Variants in CC2D2A observed in about 807,000 individuals in gnomAD.
The protein encoded by CC2D2A is coiled-coil and C2 domain containing 2A, also known as coiled-coil and C2 domain-containing protein 2A.
In CC2D2A, 155 loss-of-function variants were observed where a neutral mutation model predicts 212.9. The ratio of observed to expected loss-of-function variants is 0.73; its 90% CI spans 0.64 to 0.83. The LOEUF is 0.83. Ranked by LOEUF, CC2D2A falls within the 40% of genes least tolerant of loss-of-function variation. The probability of loss-of-function intolerance (pLI) is 0.00; values close to 1 mark genes in which losing one functional copy is unlikely to be tolerated. For missense variants in CC2D2A, 1,856 were observed against 1,956.2 expected, an observed-to-expected ratio of 0.95 and a Z score of 0.97; for synonymous variants, 667 against 686.5, an observed-to-expected ratio of 0.97 and a Z score of 0.44.
At chr4:15,599,974 AATC>A (rs763454323) in intron 36 of CC2D2A, among the ~76,000 whole-genome samples, 1 of 152,204 alleles carries the variant, frequency 6.6e-6, no homozygotes, top group Non-Finnish European at 1.5e-5. Context: ...CATCTGGCTA[AATC>A]ATGTTAGACA....
chr4:15,552,646 A>C (rs1475529738), intron 18 of CC2D2A, among the ~76,000 whole-genome samples: 4 of 152,284 alleles, frequency 2.6e-5, no homozygotes, highest in East Asian at 1.9e-4. Context: ...CCCTGACTCA[A>C]ATATACACCC....
At chr4:15,567,247 G>A (rs566643937) in intron 24 of CC2D2A, 130 bp from the exon 25 acceptor site, 11 of 678,770 alleles carry the variant, frequency 1.6e-5, no homozygotes, top group South Asian at 7.9e-5. Context: ...TGCACCAGCC[G>A]AGATCATGCC....
At position 15,511,327 on chromosome 4, in the gene CC2D2A, G is replaced by C; in HGVS notation, c.621G>C (p.Glu207Asp). The C allele has an allele frequency of 6.3e-7, 1 of 1,596,844 alleles. No homozygotes were observed. Among genetic ancestry groups the C allele is most frequent in the Non-Finnish European group, 8.5e-7 (1 of 1,173,700 alleles). Residue 207 changes from glutamate (E) to aspartate (D), a missense_variant, in exon 8 of 37, where the codon GAG becomes GAC. By Grantham distance (45) the Glu-to-Asp change is conservative. Around this residue, in one of 5 missense-constraint regions of CC2D2A, gnomAD observed 1,512 missense variants for 1,579.3 expected, o/e 0.96. Coordinates refer to ENST00000424120, the MANE Select transcript of CC2D2A (RefSeq NM_001378615.1). Reference sequence around the variant, plus strand: ...TTGATCCCGAACCAGAAGGATCAGAGGAAAAACCAAAAGCAAGACATAGAG... The same window carrying C: ...TTGATCCCGAACCAGAAGGATCAGACGAAAAACCAAAAGCAAGACATAGAG... Reference protein sequence around the residue: ...FNFDPEPEGSEEKPKARHRAG... With the variant: ...FNFDPEPEGSDEKPKARHRAG...
intron 4 of CC2D2A, among the ~76,000 whole-genome samples, chr4:15,496,597 T>G (rs969198457): frequency 1.2e-4 from 18 of 152,154 alleles, no homozygotes; most frequent in African/African-American, 4.3e-4. Context: ...GATATGATTC[T>G]ATACCTAGAA....
At chr4:15,558,171 T>C (rs1382026683) in intron 21 of CC2D2A, among the ~76,000 whole-genome samples, 1 of 152,132 alleles carries the variant, frequency 6.6e-6, no homozygotes, top group Non-Finnish European at 1.5e-5. Flanking sequence ...TTTTCCCTGC[T>C]TTTCATGAGC....
intron 4 of CC2D2A, among the ~76,000 whole-genome samples, chr4:15,498,538 G>A (rs1209450042): frequency 6.6e-6 from 1 of 152,168 alleles, no homozygotes; most frequent in East Asian, 1.9e-4. Flanking sequence ...GCTTGAAAGG[G>A]AGAGCCAGTT....
chr4:15,471,507 CA>C (rs996271652), intron 1 of CC2D2A, among the ~76,000 whole-genome samples: 1 of 151,952 alleles, frequency 6.6e-6, no homozygotes, highest in African/African-American at 2.4e-5. Flanking sequence ...TTCTTAGTAA[CA>C]AAACCTACCA....
At chr4:15,478,084 C>A (rs1458347908) in intron 2 of CC2D2A, among the ~76,000 whole-genome samples, 2 of 152,134 alleles carry the variant, frequency 1.3e-5, no homozygotes, top group Non-Finnish European at 2.9e-5. Flanking sequence ...CATTTTAGAG[C>A]TCGTAGACTT....
At chr4:15,566,782 A>G (rs1350717737) in intron 24 of CC2D2A, among the ~76,000 whole-genome samples, 1 of 152,060 alleles carries the variant, frequency 6.6e-6, no homozygotes, top group Non-Finnish European at 1.5e-5. Context: ...GACCACCCTG[A>G]GCAACATCCT....
intron 11 of CC2D2A, among the ~76,000 whole-genome samples, chr4:15,523,790 G>A (rs1055534287): frequency 6.6e-6 from 1 of 152,166 alleles, no homozygotes; most frequent in Admixed American, 6.5e-5. Flanking sequence ...TTGCAGGCAT[G>A]ACAGAATTCT....
At chr4:15,508,777 G>A (rs754423168) in intron 6 of CC2D2A, among the ~76,000 whole-genome samples, 3 of 152,230 alleles carry the variant, frequency 2.0e-5, no homozygotes, top group African/African-American at 2.4e-5. Flanking sequence ...CTACATGACT[G>A]TTGTTGGGTG....
intron 16 of CC2D2A, among the ~76,000 whole-genome samples, chr4:15,539,004 G>C (rs1327879223): frequency 1.3e-5 from 2 of 151,994 alleles, no homozygotes; most frequent in Non-Finnish European, 2.9e-5. Flanking sequence ...TTGGAGACCA[G>C]CCTGGGGAAC....
chr4:15,570,709 A>G (rs1720119165), intron 28 of CC2D2A, among the ~76,000 whole-genome samples: 1 of 152,108 alleles, frequency 6.6e-6, no homozygotes, highest in African/African-American at 2.4e-5. Context: ...ACAAAAAATT[A>G]GCCGGGCGTG....
chr4:15,596,334 C>A, intron 34 of CC2D2A, 127 bp downstream of exon 34: 1 of 719,966 alleles, frequency 1.4e-6, no homozygotes, highest in Non-Finnish European at 2.0e-6. Flanking sequence ...CATCTGAGCT[C>A]AACTCACAAC....
In CC2D2A at chr4:15,563,376, C is replaced by T; in HGVS notation, c.3036C>T (p.Phe1012=). ...TTAGCATTTTGGGCCTAAGCCTTTT[C>T]AAGCTGGCAGAACAAAAGCGACCAC... is the stretch of plus-strand genomic sequence containing the variant. ...PNISILGLSL[F]KLAEQKRPLR... is the part of the protein sequence containing the mutation. The change falls in exon 24 of 37, where the codon TTC becomes TTT. Residue 1012 remains phenylalanine, a synonymous_variant. Transcript: ENST00000424120. The T allele has an allele frequency of 6.2e-7, 1 of 1,605,084 alleles. No homozygotes were observed. The highest frequency in any genetic ancestry group is 1.1e-5 in the South Asian group (1 of 89,384).
intron 2 of CC2D2A, 22 bp downstream of exon 2, chr4:15,475,993 C>T (rs898905839): frequency 2.5e-5 from 39 of 1,581,720 alleles, no homozygotes; most frequent in Non-Finnish European, 3.1e-5. Context: ...CTTTGATGTC[C>T]TCTAGGGATG....
chr4:15,574,180 C>T lies in CC2D2A; in HGVS notation c.3625C>T (p.Pro1209Ser). ...IDGTFKIDIP[P>S]VLLGYSKERN... Reference sequence around the variant, plus strand: ...TGGAACATTTAAAATAGATATTCCCCCAGTTCTTCTGGGCTACAGTAAGGA... The same window carrying T: ...TGGAACATTTAAAATAGATATTCCCTCAGTTCTTCTGGGCTACAGTAAGGA... The change falls in exon 29 of 37, where the codon CCA (proline) becomes TCA (serine). Residue 1209 changes from proline to serine, a missense_variant. Transcript: ENST00000424120. 1 of 1,549,088 alleles carries T rather than the reference C, an allele frequency of 6.5e-7. No individual in the cohort carries two copies. Among genetic ancestry groups the T allele is most frequent in the Non-Finnish European group, 8.7e-7 (1 of 1,145,966 alleles).
chr4:15,499,884 T>G (rs1577327380), intron 4 of CC2D2A, among the ~76,000 whole-genome samples: 1 of 151,900 alleles, frequency 6.6e-6, no homozygotes, highest in South Asian at 2.1e-4. Flanking sequence ...TTAGTGATAC[T>G]TAACAGTGTG....
At chr4:15,590,500 G>A (rs946559034) in intron 33 of CC2D2A, among the ~76,000 whole-genome samples, 1 of 152,134 alleles carries the variant, frequency 6.6e-6, no homozygotes, top group African/African-American at 2.4e-5. Context: ...GGGCAACAGA[G>A]CAAGACTCCA....
Sources: gnomAD v4.1 joint callset for allele counts (sites outside exome capture counted in the v4.1 genomes callset) on GRCh38, gnomAD v4.1.1 for gene constraint, gnomAD v4.1.1 regional missense constraint, MANE v1.5 for transcripts, NCBI Gene and HGNC (gene_info 2026-07-23, HGNC 2026-07-21) for gene names.